Variants in HK1 observed in about 807,000 individuals in gnomAD.
HK1 encodes hexokinase 1, also known as hexokinase-1.
HK1 carries 28 observed loss-of-function variants against 91.6 expected under a neutral mutation model. That is an observed-to-expected ratio of 0.31 (90% CI 0.23 to 0.42). The LOEUF is 0.42. HK1 is among the 10% of genes least tolerant of loss of function. HK1 has a pLI of 1.00. For missense variants in HK1, 770 were observed against 1,219.8 expected, an observed-to-expected ratio of 0.63 and a Z score of 5.49; for synonymous variants, 430 against 468.1, an observed-to-expected ratio of 0.92 and a Z score of 1.05.
chr10:69,272,463 T>C (rs1175663735), intron 1 of HK1, among the ~76,000 whole-genome samples: 2 of 152,204 alleles, frequency 1.3e-5, no homozygotes, highest in African/African-American at 4.8e-5. Context: ...GCACTGATGG[T>C]AGTAAATTCA....
At chr10:69,361,804 A>G (rs550112488) in intron 3 of HK1, among the ~76,000 whole-genome samples, 3 of 152,270 alleles carry the variant, frequency 2.0e-5, no homozygotes, top group Admixed American at 2.0e-4. Flanking sequence ...TAGTACCATT[A>G]TAGCAAATTC....
At chr10:69,285,139 AAAAC>A (rs201563537) in intron 2 of HK1, among the ~76,000 whole-genome samples, 2,792 of 152,208 alleles carry the variant, frequency 0.018, 85 homozygotes, top group African/African-American at 0.063. Flanking sequence ...ATTCCTTAAA[AAAAC>A]AAACAAACAG....
At chr10:69,354,787 G>A (rs1190677605) in intron 2 of HK1, among the ~76,000 whole-genome samples, 3 of 152,170 alleles carry the variant, frequency 2.0e-5, no homozygotes, top group Non-Finnish European at 4.4e-5. Context: ...ATAGGAACAG[G>A]CTGGGCGCAG....
chr10:69,298,231 A>G (rs929306758), intron 4 of HK1, among the ~76,000 whole-genome samples: 5 of 151,502 alleles, frequency 3.3e-5, no homozygotes, highest in African/African-American at 9.8e-5. Context: ...AAGAAAAAAA[A>G]AGAATTGCTT....
intron 9 of HK1, among the ~76,000 whole-genome samples, chr10:69,381,037 T>C (rs202062761): frequency 6.6e-6 from 1 of 152,188 alleles, no homozygotes; most frequent in East Asian, 1.9e-4. Flanking sequence ...GCATGGCAGC[T>C]CACACTTGTA....
At chr10:69,357,150 A>C (rs1034644745) in intron 2 of HK1, among the ~76,000 whole-genome samples, 1 of 152,210 alleles carries the variant, frequency 6.6e-6, no homozygotes, top group African/African-American at 2.4e-5. Context: ...TGAAAAGTTA[A>C]ACATGGGTTA....
At chr10:69,364,008 A>G (rs1204054332) in intron 3 of HK1, among the ~76,000 whole-genome samples, 1 of 152,254 alleles carries the variant, frequency 6.6e-6, no homozygotes, top group Admixed American at 6.5e-5. Context: ...GAACACAGAC[A>G]CCAAAGAGCA....
Position 69,401,466 on chromosome 10 carries a change from TC to T in HK1, c.*332del, listed in dbSNP as rs1324533684. On this transcript the variant is annotated 3_prime_UTR_variant, in exon 18 of 18. Coordinates refer to ENST00000359426, the MANE Select transcript of HK1 (RefSeq NM_000188.3). Reference sequence around the variant, plus strand: ...TTATTTATTGGCTGGAGATGGAAAATCACACCACCTGACAGGCCTTCTGGGC... The same window carrying T: ...TTATTTATTGGCTGGAGATGGAAAATACACCACCTGACAGGCCTTCTGGGC... 2.5e-6 allele frequency: 1 copy of T among 403,924 alleles called. No homozygotes were observed. The highest frequency in any genetic ancestry group is 4.7e-6 in the Non-Finnish European group (1 of 213,668). The allele number at this position is 403,924 out of a possible 1,614,324, so 25.0% of individuals were successfully genotyped here. A position where few individuals can be genotyped will look rare whatever the true frequency, so the allele number is the denominator to read the frequency against.
At chr10:69,276,118 A>AAAAAAAAATATATATATATAT in intron 1 of HK1, among the ~76,000 whole-genome samples, 8 of 38,270 alleles carry the variant, frequency 2.1e-4, no homozygotes, top group Non-Finnish European at 2.5e-4. Flanking sequence ...AAAAAAAAAA[A>AAAAAAAAATATATATATATAT]ATACATATAT....
In HK1 at chr10:69,276,118, A is replaced by AAAAAAAATATATATATAT; in HGVS notation, c.-391+6011_-391+6012insAAAAAATATATATATATA. On this transcript the variant is annotated intron_variant, in intron 1 of 21. Transcript: ENST00000360289. ...AAAAAAAAAAAAAAAAAAAAAAAAA[A>AAAAAAAATATATATATAT]ATACATATATATATATATATACACA... Among the ~76,000 whole-genome samples the AAAAAAAATATATATATAT allele has an allele frequency of 4.2e-4, 16 of 38,266 alleles. 1 individual carries two copies. The highest frequency in any genetic ancestry group is 1.4e-3 in the East Asian group (1 of 696). 25.1% of individuals were successfully genotyped at this position (38,266 alleles called of 152,430 possible). A position where few individuals can be genotyped will look rare whatever the true frequency, so the allele number is the denominator to read the frequency against.
Position 69,276,118 on chromosome 10 carries a change from A to ATATATATATAT in HK1, c.-391+6010_-391+6011insTATATATATAT, listed in dbSNP as rs1426672139. On this transcript the variant is annotated intron_variant, in intron 1 of 21. Coordinates refer to the HK1 transcript ENST00000360289. ...AAAAAAAAAAAAAAAAAAAAAAAAA[A>ATATATATATAT]ATACATATATATATATATATACACA... Among the ~76,000 whole-genome samples the ATATATATATAT allele has an allele frequency of 1.4e-3, 54 of 38,258 alleles. 1 individual carries two copies. The highest frequency in any genetic ancestry group is 2.0e-3 in the African/African-American group (27 of 13,312). The allele number at this position is 38,258 out of a possible 152,430, so 25.1% of individuals were successfully genotyped here.
At chr10:69,316,019 G>A (rs200459481), upstream of HK1, 2 of 1,613,302 alleles carry the variant, frequency 1.2e-6, no homozygotes, top group Non-Finnish European at 1.7e-6. Context: ...ATTGGGGTGA[G>A]TAGCTGTGGT....
intron 1 of HK1, among the ~76,000 whole-genome samples, chr10:69,336,903 C>T (rs974693361): frequency 1.3e-5 from 2 of 152,078 alleles, no homozygotes; most frequent in Non-Finnish European, 2.9e-5. Context: ...CCTCGGCCTC[C>T]CATAGTGCTG....
At chr10:69,301,024 C>T (rs12780492) in intron 5 of HK1, among the ~76,000 whole-genome samples, 21,129 of 151,820 alleles carry the variant, frequency 0.14, 1,895 homozygotes, top group Admixed American at 0.24. Flanking sequence ...GCAGGTGGAT[C>T]ACAAGGTCAG....
At chr10:69,334,237 G>A (rs2132641224) in intron 1 of HK1, among the ~76,000 whole-genome samples, 1 of 152,354 alleles carries the variant, frequency 6.6e-6, no homozygotes, top group African/African-American at 2.4e-5. Context: ...AAGAGACCGG[G>A]CAAGGCTGTG....
At chr10:69,292,663 AC>A (rs1427882559) in intron 3 of HK1, among the ~76,000 whole-genome samples, 1 of 152,154 alleles carries the variant, frequency 6.6e-6, no homozygotes, top group Non-Finnish European at 1.5e-5. Context: ...GATAGGAGGC[AC>A]TTTACAGGTT....
Position 69,358,417 on chromosome 10 carries a change from G to A in HK1, c.227-1480G>A, listed in dbSNP as rs542069656. On this transcript the variant is annotated intron_variant, in intron 2 of 17. Transcript: ENST00000359426. ...ACTCCCGAGGGAGGTAACCATAGCA[G>A]ACCAGTACTTTGGCCACTGGTACTT... 6.6e-5 allele frequency among the ~76,000 whole-genome samples: 10 copies of A among 152,360 alleles called. No individual in the cohort carries two copies. In the South Asian group the frequency reaches 2.1e-3, roughly 32 times the overall value.
intron 3 of HK1, among the ~76,000 whole-genome samples, chr10:69,290,747 G>A (rs925623922): frequency 2.0e-5 from 3 of 152,056 alleles, no homozygotes; most frequent in Non-Finnish European, 2.9e-5. Flanking sequence ...TGATCCACCC[G>A]CCTCAGCCTC....
At position 69,361,057 on chromosome 10, in the gene HK1, C is replaced by T. The variant is rs369143708; in HGVS notation, c.375+1012C>T. Among the ~76,000 whole-genome samples, 11 of 152,304 alleles carry T rather than the reference C, an allele frequency of 7.2e-5. No homozygotes were observed. In the East Asian group the frequency reaches 1.5e-3, roughly 21 times the overall value. ...GGAGCCTTCTCTTGACTCTACTGTG[C>T]TCTTAAGTTCTTGTGGGTGGGACCT... On this transcript the variant is annotated intron_variant, in intron 3 of 17. Coordinates refer to ENST00000359426, the MANE Select transcript of HK1 (RefSeq NM_000188.3).
Sources: gnomAD v4.1 joint callset for allele counts (sites outside exome capture counted in the v4.1 genomes callset) on GRCh38, gnomAD v4.1.1 for gene constraint, MANE v1.5 for transcripts, NCBI Gene and HGNC (gene_info 2026-07-23, HGNC 2026-07-21) for gene names.